The following USH2A variants were observed in gnomAD, a reference collection of about 807,000 sequenced individuals.
The protein encoded by USH2A is usherin, also known as Usher syndrome 2A (autosomal recessive, mild).
USH2A carries 443 observed loss-of-function variants against 538.9 expected under a neutral mutation model. The observed-to-expected ratio is 0.82, with a 90% CI of 0.76 to 0.89. The LOEUF is 0.89. Among genes scored for constraint, USH2A ranks in the 40% least tolerant of loss-of-function variants. The pLI, the probability that USH2A is intolerant of heterozygous loss-of-function variation, is 0.00. For missense variants in USH2A, 6,633 were observed against 6,324.8 expected, an observed-to-expected ratio of 1.05 and a Z score of -1.65; for synonymous variants, 2,413 against 2,273.5, an observed-to-expected ratio of 1.06 and a Z score of -1.75.
At chr1:216,199,515 T>A in intron 17 of USH2A, 112 bp downstream of exon 17, 1 of 1,464,100 alleles carries the variant, frequency 6.8e-7, no homozygotes, top group Non-Finnish European at 9.5e-7. Context: ...TCAATTATTA[T>A]ATTGTGCAGT....
chr1:216,411,433 AAG>A (rs1429881076), intron 3 of USH2A, among the ~76,000 whole-genome samples: 3 of 152,120 alleles, frequency 2.0e-5, no homozygotes, highest in Non-Finnish European at 4.4e-5. Flanking sequence ...TGTAATTGTT[AAG>A]ATGAGTCCTA....
At chr1:215,698,401 T>G (rs1353362891) in intron 61 of USH2A, among the ~76,000 whole-genome samples, 1 of 152,200 alleles carries the variant, frequency 6.6e-6, no homozygotes, top group Non-Finnish European at 1.5e-5. Flanking sequence ...ATCACCACAC[T>G]GTCTTCCACA....
chr1:215,636,207 G>A (rs1656478616), intron 69 of USH2A, among the ~76,000 whole-genome samples: 1 of 152,136 alleles, frequency 6.6e-6, no homozygotes, highest in African/African-American at 2.4e-5. Flanking sequence ...AGAACTCCAT[G>A]GGCCTGCGTG....
At chr1:215,813,964 G>A (rs1662779906) in intron 48 of USH2A, 60 bp from the exon 49 acceptor site, 4 of 1,523,588 alleles carry the variant, frequency 2.6e-6, no homozygotes, top group African/African-American at 2.8e-5. Context: ...TTATACCACT[G>A]TATCTCATGT....
At chr1:216,156,785 T>C (rs2033952837) in intron 21 of USH2A, among the ~76,000 whole-genome samples, 1 of 151,920 alleles carries the variant, frequency 6.6e-6, no homozygotes, top group African/African-American at 2.4e-5. Context: ...AAAGTTCTAA[T>C]ATGCAGAACC....
intron 25 of USH2A, among the ~76,000 whole-genome samples, chr1:216,083,819 C>T (rs1379884049): frequency 6.6e-6 from 1 of 152,082 alleles, no homozygotes; most frequent in Non-Finnish European, 1.5e-5. Context: ...GAAATTTGCT[C>T]TCTAAATCAT....
intron 38 of USH2A, among the ~76,000 whole-genome samples, chr1:215,908,991 TATA>T (rs1665706912): frequency 1.3e-5 from 2 of 149,150 alleles, no homozygotes; most frequent in Non-Finnish European, 3.0e-5. Flanking sequence ...TATATACATA[TATA>T]ATAATAATAC....
At chr1:216,267,221 T>C (rs2102575396) in intron 11 of USH2A, among the ~76,000 whole-genome samples, 1 of 152,088 alleles carries the variant, frequency 6.6e-6, no homozygotes, top group East Asian at 1.9e-4. Context: ...TGATCAACTG[T>C]GTCAAATCCT....
rs59426829 is a variant in USH2A at position 216,046,006 on chromosome 1, GGTGTGTGTGTGTGTGTGT to G, written c.6325+407_6325+424del. Among the ~76,000 whole-genome samples the G allele has an allele frequency of 6.5e-5, 9 of 137,758 alleles. No individual in the cohort carries two copies. In the South Asian group the frequency reaches 1.1e-3, roughly 16 times the overall value. The allele number at this position is 137,758 out of a possible 152,430, so 90.4% of individuals were successfully genotyped here. On this transcript the variant is annotated intron_variant, in intron 32 of 71. Transcript: ENST00000307340. ...AGATAACTATAGACTCTATTTATCT[GGTGTGTGTGTGTGTGTGT>G]GTGTGTGTGTGTGTGTGTGTGTGTG...
At chr1:215,702,836 C>T (rs781775729) in intron 61 of USH2A, among the ~76,000 whole-genome samples, 7 of 151,970 alleles carry the variant, frequency 4.6e-5, no homozygotes, top group Non-Finnish European at 8.8e-5. Context: ...AGTCATTCTC[C>T]GTCCAGTTTT....
intron 21 of USH2A, among the ~76,000 whole-genome samples, chr1:216,150,183 C>T (rs2033804605): frequency 6.6e-6 from 1 of 152,038 alleles, no homozygotes; most frequent in Admixed American, 6.6e-5. Context: ...TTATAAATGC[C>T]CTACTCTTGT....
At chr1:216,074,324 T>TTCTCTCTC (rs35866358) in intron 27 of USH2A, among the ~76,000 whole-genome samples, 4 of 149,070 alleles carry the variant, frequency 2.7e-5, no homozygotes, top group East Asian at 4.0e-4. Context: ...AGCGTGCATG[T>TTCTCTCTC]TCTCTCTCTC....
At chr1:216,387,431 T>A (rs984840281) in intron 3 of USH2A, among the ~76,000 whole-genome samples, 1 of 152,220 alleles carries the variant, frequency 6.6e-6, no homozygotes, top group Non-Finnish European at 1.5e-5. Context: ...CTCTTCAATA[T>A]AGATCAAATG....
At chr1:216,082,875 A>G (rs2031997168) in intron 26 of USH2A, among the ~76,000 whole-genome samples, 1 of 152,118 alleles carries the variant, frequency 6.6e-6, no homozygotes, top group Non-Finnish European at 1.5e-5. Context: ...TATAAAACCA[A>G]TTTTATAAAT....
At chr1:216,099,959 C>T (rs12069248) in intron 21 of USH2A, among the ~76,000 whole-genome samples, 6,612 of 151,914 alleles carry the variant, frequency 0.044, 480 homozygotes, top group African/African-American at 0.15. Context: ...GTCTAAGAGA[C>T]AGATTGTAGA....
chr1:215,715,332 T>C (rs1659452596), intron 61 of USH2A, among the ~76,000 whole-genome samples: 1 of 152,252 alleles, frequency 6.6e-6, no homozygotes, highest in African/African-American at 2.4e-5. Context: ...GAGTCTTAAC[T>C]GTTTTCCCCA....
At chr1:215,655,047 A>T (rs888660552) in intron 64 of USH2A, among the ~76,000 whole-genome samples, 1 of 152,194 alleles carries the variant, frequency 6.6e-6, no homozygotes, top group Non-Finnish European at 1.5e-5. Flanking sequence ...TCTTTGTCAC[A>T]ATATATTCCT....
rs748298845 is a variant in USH2A at position 215,782,107 on chromosome 1, G to A, written c.10675C>T (p.Pro3559Ser). Residue 3559 changes from proline to serine, a missense_variant, in exon 54 of 72, where the codon CCA becomes TCA. Pro to Ser is a moderately conservative substitution (Grantham distance 74, BLOSUM62 -1). Coordinates refer to ENST00000307340, the MANE Select transcript of USH2A (RefSeq NM_206933.4). ...LSFSDKEGIQ[P>S]FQEYSYQLKA... ...AGCTGATATGAATATTCCTGAAATG[G>A]TTGAATTCCCTCTTTATCAGAGAAG... The A allele has an allele frequency of 3.7e-5, 59 of 1,613,848 alleles. No individual in the cohort carries two copies. Among genetic ancestry groups the A allele is most frequent in the Non-Finnish European group, 4.7e-5 (56 of 1,179,906 alleles).
At chr1:216,104,150 T>C (rs2032664935) in intron 21 of USH2A, among the ~76,000 whole-genome samples, 1 of 152,074 alleles carries the variant, frequency 6.6e-6, no homozygotes, top group African/African-American at 2.4e-5. Context: ...ATGTGTCATG[T>C]TGGTGTGCTG....
Sources: allele counts gnomAD v4.1 joint callset (sites outside exome capture counted in the v4.1 genomes callset), GRCh38; gene constraint gnomAD v4.1.1; transcripts MANE v1.5; gene names NCBI Gene and HGNC (gene_info 2026-07-23, HGNC 2026-07-21).